Variants in RASAL2 observed in about 807,000 individuals in gnomAD.
RASAL2 encodes the protein ras GTPase-activating protein nGAP.
RASAL2 carries 58 observed loss-of-function variants against 128.9 expected under a neutral mutation model. The observed-to-expected ratio is 0.45, with a 90% CI of 0.36 to 0.56. RASAL2 has a LOEUF of 0.56. RASAL2 is among the 20% of genes least tolerant of loss of function. The pLI is 0.00. For synonymous variants in RASAL2, 561 were observed against 580.8 expected, an observed-to-expected ratio of 0.97 and a Z score of 0.49; for missense variants, 1,360 against 1,601.6, an observed-to-expected ratio of 0.85 and a Z score of 2.57.
intron 1 of RASAL2, among the ~76,000 whole-genome samples, chr1:178,200,285 C>T (rs1003381943): frequency 4.6e-4 from 70 of 152,134 alleles, no homozygotes; most frequent in African/African-American, 1.5e-3. Flanking sequence ...ATGCTAAGGA[C>T]GCTACTTCTA....
intron 9 of RASAL2, among the ~76,000 whole-genome samples, chr1:178,446,130 C>G (rs1006733277): frequency 2.0e-5 from 3 of 152,204 alleles, no homozygotes; most frequent in Non-Finnish European, 2.9e-5. Flanking sequence ...TTTAACATAA[C>G]TAATTTTTGT....
At chr1:178,206,644 G>T (rs577027415) in intron 1 of RASAL2, among the ~76,000 whole-genome samples, 175 of 152,084 alleles carry the variant, frequency 1.2e-3, no homozygotes, top group South Asian at 4.8e-3. Flanking sequence ...ACTACTCTTT[G>T]GTGAAAGCCT....
intron 1 of RASAL2, among the ~76,000 whole-genome samples, chr1:178,155,448 A>G (rs1661051594): frequency 6.7e-6 from 1 of 150,126 alleles, no homozygotes; most frequent in Non-Finnish European, 1.5e-5. Context: ...CTCACTCAGT[A>G]CATTATAAAC....
At chr1:178,308,991 G>A (rs568895826) in intron 3 of RASAL2, among the ~76,000 whole-genome samples, 1 of 152,010 alleles carries the variant, frequency 6.6e-6, no homozygotes, top group Non-Finnish European at 1.5e-5. Flanking sequence ...AATATTATAA[G>A]AGATATATTC....
intron 3 of RASAL2, among the ~76,000 whole-genome samples, chr1:178,320,549 T>G (rs546970337): frequency 6.6e-6 from 1 of 152,126 alleles, no homozygotes; most frequent in South Asian, 2.1e-4. Flanking sequence ...GGGAGTGACC[T>G]GATTTTCCAG....
At chr1:178,406,562 G>C (rs1248050857) in intron 4 of RASAL2, among the ~76,000 whole-genome samples, 1 of 151,892 alleles carries the variant, frequency 6.6e-6, no homozygotes, top group Non-Finnish European at 1.5e-5. Flanking sequence ...CTTGTTTTTT[G>C]TAAATTACAC....
chr1:178,228,927 A>G (rs949993184), intron 1 of RASAL2, among the ~76,000 whole-genome samples: 3 of 152,130 alleles, frequency 2.0e-5, no homozygotes, highest in African/African-American at 7.2e-5. Flanking sequence ...TCTATATTAT[A>G]GACTCAAAGG....
intron 3 of RASAL2, among the ~76,000 whole-genome samples, chr1:178,374,342 A>G (rs1228657937): frequency 6.6e-6 from 1 of 152,166 alleles, no homozygotes; most frequent in Non-Finnish European, 1.5e-5. Context: ...AATCTACTTT[A>G]TGGTGAATCT....
chr1:178,252,934 G>T lies in RASAL2; in HGVS notation c.203-30630G>T, dbSNP rs1004738290. On this transcript the variant is annotated intron_variant, in intron 1 of 17. Transcript: ENST00000367649. ...AATCTACCAGTAACTGGTAAACCTT[G>T]CCTGGATTACCGTAGCAGCCTCTGT... Among the ~76,000 whole-genome samples the T allele has an allele frequency of 2.0e-5, 3 of 152,274 alleles. No individual in the cohort carries two copies. In the South Asian group the frequency reaches 6.2e-4, roughly 32 times the overall value.
intron 3 of RASAL2, among the ~76,000 whole-genome samples, chr1:178,357,401 C>T (rs1670866498): frequency 6.6e-6 from 1 of 151,168 alleles, no homozygotes; most frequent in Non-Finnish European, 1.5e-5. Context: ...TAAAAGCTAC[C>T]CTTTATCATC....
chr1:178,350,928 C>G (rs894971527), intron 3 of RASAL2, among the ~76,000 whole-genome samples: 5 of 152,190 alleles, frequency 3.3e-5, no homozygotes, highest in African/African-American at 1.2e-4. Flanking sequence ...GCTCATAGTT[C>G]TGCAGGCTGT....
intron 1 of RASAL2, among the ~76,000 whole-genome samples, chr1:178,179,883 C>G (rs190495411): frequency 2.0e-5 from 3 of 151,990 alleles, no homozygotes; most frequent in African/African-American, 7.3e-5. Context: ...CTTGTTCGTA[C>G]GAAATAGAAA....
At chr1:178,438,612 A>G (rs1291464099) in intron 5 of RASAL2, among the ~76,000 whole-genome samples, 2 of 152,060 alleles carry the variant, frequency 1.3e-5, no homozygotes, top group Admixed American at 6.6e-5. Context: ...GTGACAAGTC[A>G]TGATTCCTAG....
At chr1:178,256,760 G>A (rs902882315) in intron 1 of RASAL2, among the ~76,000 whole-genome samples, 1 of 151,958 alleles carries the variant, frequency 6.6e-6, no homozygotes, top group Non-Finnish European at 1.5e-5. Flanking sequence ...TGCAACCTCC[G>A]CCTCCTGGGT....
chr1:178,476,062 CTTTG>C lies in RASAL2; in HGVS notation c.*2828_*2831del, dbSNP rs1308467360. 2 of 152,152 alleles carry C rather than the reference CTTTG, an allele frequency of 1.3e-5. No individual in the cohort carries two copies. Among genetic ancestry groups the C allele is most frequent in the African/African-American group, 4.8e-5 (2 of 41,422 alleles). The allele number at this position is 152,152 out of a possible 1,614,324, so 9.4% of individuals were successfully genotyped here. A position where few individuals can be genotyped will look rare whatever the true frequency, so the allele number is the denominator to read the frequency against. The stretch of plus-strand genomic sequence containing the variant: ...TCCCTCAGTTCAAGTAGGTAAATAA[CTTTG>C]TTTGCTGGGAGGAGGTACATGGCTG... On this transcript the variant is annotated 3_prime_UTR_variant, in exon 18 of 18. Coordinates refer to ENST00000367649, the MANE Select transcript of RASAL2 (RefSeq NM_170692.4).
chr1:178,208,245 G>A (rs1311008789), intron 1 of RASAL2, among the ~76,000 whole-genome samples: 1 of 152,164 alleles, frequency 6.6e-6, no homozygotes, highest in Non-Finnish European at 1.5e-5. Flanking sequence ...GGCAAAAACA[G>A]CCATATTTTT....
intron 1 of RASAL2, among the ~76,000 whole-genome samples, chr1:178,237,056 G>T (rs1005981136): frequency 6.6e-6 from 1 of 152,004 alleles, no homozygotes; most frequent in African/African-American, 2.4e-5. Flanking sequence ...GAGCCAGCGC[G>T]CCCAGCCTCC....
intron 1 of RASAL2, among the ~76,000 whole-genome samples, chr1:178,178,088 A>G (rs1308534888): frequency 6.6e-6 from 1 of 152,166 alleles, no homozygotes; most frequent in Non-Finnish European, 1.5e-5. Context: ...TGTGTCATTA[A>G]TAAAAATGCA....
chr1:178,325,357 G>C (rs534722756), intron 3 of RASAL2, among the ~76,000 whole-genome samples: 31 of 152,146 alleles, frequency 2.0e-4, no homozygotes, highest in African/African-American at 7.2e-4. Flanking sequence ...CCTCTTAAAG[G>C]CCTTTAGGTT....
Sources: gnomAD v4.1 joint callset for allele counts (sites outside exome capture counted in the v4.1 genomes callset) on GRCh38, gnomAD v4.1.1 for gene constraint, MANE v1.5 for transcripts, NCBI Gene and HGNC (gene_info 2026-07-23, HGNC 2026-07-21) for gene names.